KCNN2: variants seen among roughly 807,000 people sequenced by gnomAD.
KCNN2 encodes the protein small conductance calcium-activated potassium channel protein 2.
A neutral mutation model predicts 55.5 loss-of-function variants in KCNN2; 24 were observed. That is an observed-to-expected ratio of 0.43 (90% CI 0.31 to 0.61). The LOEUF (loss-of-function observed/expected upper bound fraction) is 0.61. Among genes scored for constraint, KCNN2 ranks in the 20% least tolerant of loss-of-function variants. The pLI is 0.08. For synonymous variants in KCNN2, 431 were observed against 336.1 expected (o/e 1.28, Z -3.09); for missense variants, 754 against 853.6 (o/e 0.88, Z 1.45).
intron 5 of KCNN2, 116 bp downstream of exon 5, chr5:114,473,280 G>C (rs1348210430): frequency 1.4e-6 from 1 of 709,436 alleles, no homozygotes; most frequent in Non-Finnish European, 2.5e-6. Flanking sequence ...GAAAGTATAG[G>C]CATTCTTGGA....
chr5:114,126,635 G>A (rs901140280), intron 1 of KCNN2, among the ~76,000 whole-genome samples: 9 of 151,990 alleles, frequency 5.9e-5, no homozygotes, highest in African/African-American at 2.2e-4. Context: ...TCTACCTCTG[G>A]CTTCTCCCAA....
intron 3 of KCNN2, among the ~76,000 whole-genome samples, chr5:114,441,000 A>G (rs1760185221): frequency 6.6e-6 from 1 of 152,182 alleles, no homozygotes. Flanking sequence ...ATTGGAAAAG[A>G]TACAACAGGC....
At chr5:114,344,812 T>C (rs1757078875) in intron 2 of KCNN2, among the ~76,000 whole-genome samples, 1 of 152,204 alleles carries the variant, frequency 6.6e-6, no homozygotes, top group African/African-American at 2.4e-5. Context: ...AAACTCAGAT[T>C]ATAAACTGCC....
chr5:114,264,034 A>G (rs1165950269), intron 2 of KCNN2, among the ~76,000 whole-genome samples: 1 of 152,192 alleles, frequency 6.6e-6, no homozygotes, highest in Non-Finnish European at 1.5e-5. Context: ...TAATGAGGAA[A>G]TGGATGTGAA....
chr5:114,414,239 T>C (rs1450098187), intron 3 of KCNN2, among the ~76,000 whole-genome samples: 3 of 152,238 alleles, frequency 2.0e-5, no homozygotes, highest in Admixed American at 2.0e-4. Flanking sequence ...TATATCTTGC[T>C]GAGCTTCGAT....
At chr5:114,400,351 A>G (rs1372159687) in intron 2 of KCNN2, among the ~76,000 whole-genome samples, 2 of 152,132 alleles carry the variant, frequency 1.3e-5, no homozygotes, top group Admixed American at 6.5e-5. Flanking sequence ...CTCCATTTCC[A>G]TGACAGTCCC....
intron 1 of KCNN2, among the ~76,000 whole-genome samples, chr5:114,179,904 A>G (rs1335618337): frequency 6.6e-6 from 1 of 152,250 alleles, no homozygotes; most frequent in African/African-American, 2.4e-5. Context: ...TAAAATATTT[A>G]GAGAAATAAA....
intron 3 of KCNN2, among the ~76,000 whole-genome samples, chr5:114,440,341 A>G (rs1433204302): frequency 6.6e-6 from 1 of 152,184 alleles, no homozygotes; most frequent in Non-Finnish European, 1.5e-5. Flanking sequence ...TAATTTAAAA[A>G]CAAAGGCAAA....
intron 1 of KCNN2, among the ~76,000 whole-genome samples, chr5:114,094,877 A>C (rs757517696): frequency 1.3e-5 from 2 of 152,072 alleles, no homozygotes; most frequent in Non-Finnish European, 2.9e-5. Context: ...TGGAGTACTC[A>C]ATGCTTTCTT....
At chr5:114,277,153 TG>T (rs1238203476) in intron 2 of KCNN2, among the ~76,000 whole-genome samples, 1 of 152,174 alleles carries the variant, frequency 6.6e-6, no homozygotes, top group Non-Finnish European at 1.5e-5. Flanking sequence ...ATGAGATTGT[TG>T]AATATTTGCC....
At chr5:114,428,182 A>G (rs958831939) in intron 3 of KCNN2, among the ~76,000 whole-genome samples, 8 of 152,272 alleles carry the variant, frequency 5.3e-5, no homozygotes, top group Admixed American at 2.0e-4. Flanking sequence ...TTATGTCTCA[A>G]TTTTACAAAG....
At chr5:114,196,236 G>A (rs1381496186) in intron 1 of KCNN2, among the ~76,000 whole-genome samples, 1 of 151,340 alleles carries the variant, frequency 6.6e-6, no homozygotes, top group Non-Finnish European at 1.5e-5. Context: ...GGTGTATACT[G>A]GTTTTTTTAA....
intron 2 of KCNN2, among the ~76,000 whole-genome samples, chr5:114,282,995 A>G (rs996114206): frequency 2.6e-5 from 4 of 151,974 alleles, no homozygotes; most frequent in Non-Finnish European, 5.9e-5. Flanking sequence ...AGATTTTGTT[A>G]TTGTCTTTTC....
chr5:114,180,066 C>G (rs73779735), intron 1 of KCNN2, among the ~76,000 whole-genome samples: 1 of 152,088 alleles, frequency 6.6e-6, no homozygotes, highest in Non-Finnish European at 1.5e-5. Flanking sequence ...CCCTGAAGCA[C>G]GAGGGTGGGT....
At chr5:114,436,287 A>G (rs1561382647) in intron 3 of KCNN2, among the ~76,000 whole-genome samples, 1 of 152,230 alleles carries the variant, frequency 6.6e-6, no homozygotes, top group Admixed American at 6.5e-5. Context: ...GTGTTTAATC[A>G]GTGTAACAGA....
intron 2 of KCNN2, among the ~76,000 whole-genome samples, chr5:114,310,093 C>A (rs1477327280): frequency 6.6e-6 from 1 of 152,222 alleles, no homozygotes; most frequent in Non-Finnish European, 1.5e-5. Flanking sequence ...TTGTTCCATG[C>A]ATATCATAGT....
intron 1 of KCNN2, among the ~76,000 whole-genome samples, chr5:114,172,789 A>ATT (rs961942805): frequency 6.6e-6 from 1 of 151,082 alleles, no homozygotes; most frequent in South Asian, 2.1e-4. Context: ...CAAATATTAG[A>ATT]TTTTTTTCTG....
At chr5:114,287,022 A>G (rs1351586082) in intron 2 of KCNN2, among the ~76,000 whole-genome samples, 1 of 152,238 alleles carries the variant, frequency 6.6e-6, no homozygotes, top group Non-Finnish European at 1.5e-5. Context: ...CTAGAATTAT[A>G]CAGTAACTGA....
At chr5:114,215,882 ATAAGAC>A (rs1163766160) in intron 1 of KCNN2, among the ~76,000 whole-genome samples, 1 of 152,166 alleles carries the variant, frequency 6.6e-6, no homozygotes, top group East Asian at 1.9e-4. Context: ...AGTACCTAGA[ATAAGAC>A]TAAGAGATAA....
Sources: gnomAD v4.1 joint callset for allele counts (sites outside exome capture counted in the v4.1 genomes callset) on GRCh38, gnomAD v4.1.1 for gene constraint, MANE v1.5 for transcripts, NCBI Gene and HGNC (gene_info 2026-07-23, HGNC 2026-07-21) for gene names.